The following RSPH10B2 variants were observed in gnomAD, a reference collection of about 807,000 sequenced individuals.
RSPH10B2 encodes the protein radial spoke head 10 homolog B2.
RSPH10B2 carries 9 observed loss-of-function variants against 49.0 expected under a neutral mutation model. That is an observed-to-expected ratio of 0.18 (90% confidence interval 0.11 to 0.32). The LOEUF is 0.32. Ranked by LOEUF, RSPH10B2 falls within the 10% of genes least tolerant of loss-of-function variation. The pLI, the probability that RSPH10B2 is intolerant of heterozygous loss-of-function variation, is 1.00. For synonymous variants in RSPH10B2, 35 were observed against 210.2 expected (o/e 0.17, Z 7.21); for missense variants, 95 against 589.9 (o/e 0.16, Z 8.69).
intron 17 of RSPH10B2, among the ~76,000 whole-genome samples, chr7:6,793,504 G>A (rs199777978): frequency 1.8e-5 from 2 of 110,930 alleles, no homozygotes; most frequent in African/African-American, 7.5e-5. Flanking sequence ...CTCCTCCAGT[G>A]GATCATTCCC....
intron 16 of RSPH10B2, among the ~76,000 whole-genome samples, 181 bp from the exon 19 acceptor site, chr7:6,791,723 A>G (rs1215031697): frequency 7.4e-6 from 1 of 134,342 alleles, no homozygotes. Context: ...CAGCCTGGGC[A>G]ACAGAGCAAG....
At chr7:6,786,178 CTT>C (rs1266902018) in intron 14 of RSPH10B2, 122 bp downstream of exon 16, 7,949 of 137,500 alleles carry the variant, frequency 0.058, no homozygotes, top group South Asian at 0.084. Context: ...TTCACTGATG[CTT>C]TTTTTTTTTT....
intron 13 of RSPH10B2, among the ~76,000 whole-genome samples, chr7:6,782,210 G>T (rs1394846194): frequency 6.9e-6 from 1 of 145,268 alleles, no homozygotes; most frequent in African/African-American, 2.6e-5. Flanking sequence ...CACTGTGCCT[G>T]ACTGGCCTAC....
intron 11 of RSPH10B2, 124 bp downstream of exon 13, chr7:6,779,848 C>T: frequency 2.7e-6 from 1 of 372,910 alleles, no homozygotes; most frequent in Non-Finnish European, 4.7e-6. Flanking sequence ...TGCTCTGTCG[C>T]CCAGGCTGGA....
Position 6,763,909 on chromosome 7 carries a change from C to T in RSPH10B2, c.400-19C>T, listed in dbSNP as rs1359295482. 1.2e-6 allele frequency: 2 copies of T among 1,603,724 alleles called. No homozygotes were observed. Among genetic ancestry groups the T allele is most frequent in the African/African-American group, 2.7e-5 (2 of 74,464 alleles). On this transcript the variant is annotated intron_variant, in intron 3 of 18. Transcript: ENST00000297186. ...CCCCCAACGCTTCCTTCTGTCACCC[C>T]ATGGCCGTTCTGCTTCAGGGCGACT...
chr7:6,791,435 T>C (rs1249846347), intron 16 of RSPH10B2, among the ~76,000 whole-genome samples: 3 of 149,696 alleles, frequency 2.0e-5, no homozygotes, highest in Non-Finnish European at 3.0e-5. Flanking sequence ...AATATAAATA[T>C]TTTATTCAGG....
chr7:6,785,152 TGTGTG>T, intron 13 of RSPH10B2, among the ~76,000 whole-genome samples: 1 of 65,488 alleles, frequency 1.5e-5, no homozygotes, highest in African/African-American at 7.2e-5. Flanking sequence ...CGTGTGTGTG[TGTGTG>T]TGTGTGTGTG....
chr7:6,766,164 C>CT lies in RSPH10B2; in HGVS notation c.659+376dup, dbSNP rs1444571703. On this transcript the variant is annotated intron_variant, in intron 5 of 18. Transcript: ENST00000297186. ...ATTTTAAAAACCCGGCTCTTACCCA[C>CT]TTTGTCCCCTTATTAAATAGTCAGA... is the stretch of plus-strand genomic sequence containing the variant. 5.0e-5 allele frequency among the ~76,000 whole-genome samples: 3 copies of CT among 59,448 alleles called. 1 individual carries two copies. The highest frequency in any genetic ancestry group is 2.3e-4 in the African/African-American group (3 of 13,304). The allele number at this position is 59,448 out of a possible 152,430, so 39.0% of individuals were successfully genotyped here. A position where few individuals can be genotyped will look rare whatever the true frequency, so the allele number is the denominator to read the frequency against.
chr7:6,770,526 G>C, intron 7 of RSPH10B2, among the ~76,000 whole-genome samples: 1 of 133,540 alleles, frequency 7.5e-6, no homozygotes, highest in African/African-American at 2.8e-5. Context: ...AAGGAGAATT[G>C]CTTGAACCCA....
intron 6 of RSPH10B2, among the ~76,000 whole-genome samples, chr7:6,768,097 A>AGGG (rs1781518417): frequency 1.3e-5 from 1 of 76,826 alleles, no homozygotes. Flanking sequence ...GAGGCTGAGG[A>AGGG]TCACTTGAGT....
At position 6,793,425 on chromosome 7, in the gene RSPH10B2, G is replaced by A. The variant is rs1176607283; in HGVS notation, c.2233+1428G>A. ...GGTGGACTTTTAAAGGCTCCGTCCC[G>A]GGGCCTTGTCTTCTCAAAGGCCTCC... On this transcript the variant is annotated intron_variant, in intron 17 of 18. Coordinates refer to ENST00000297186, the Ensembl canonical transcript of RSPH10B2. 4.2e-4 allele frequency among the ~76,000 whole-genome samples: 49 copies of A among 116,378 alleles called. 9 individuals carry two copies. The highest frequency in any genetic ancestry group is 7.0e-4 in the Non-Finnish European group (41 of 58,270). The allele number at this position is 116,378 out of a possible 152,430, so 76.3% of individuals were successfully genotyped here. A position where few individuals can be genotyped will look rare whatever the true frequency, so the allele number is the denominator to read the frequency against.
At chr7:6,796,164 AC>A (rs1782548032) in intron 17 of RSPH10B2, among the ~76,000 whole-genome samples, 1 of 127,706 alleles carries the variant, frequency 7.8e-6, no homozygotes, top group Non-Finnish European at 1.7e-5. Context: ...TACTAAAAAT[AC>A]AAAAATTAGC....
Position 6,760,001 on chromosome 7 carries a change from CA to C in RSPH10B2, c.331-219del, listed in dbSNP as rs750412125. ...CCAACGTGGTGAAATCCCGTCTCCA[CA>C]AAAAATACAAAAATTAGCTGGGCAT... On this transcript the variant is annotated intron_variant, in intron 2 of 18. Transcript: ENST00000297186. 1.4e-4 allele frequency among the ~76,000 whole-genome samples: 15 copies of C among 105,604 alleles called. 3 individuals carry two copies. The highest frequency in any genetic ancestry group is 2.3e-4 in the Non-Finnish European group (12 of 52,032). 69.3% of individuals were successfully genotyped at this position (105,604 alleles called of 152,430 possible).
At chr7:6,783,754 T>C (rs1782031119) in intron 13 of RSPH10B2, among the ~76,000 whole-genome samples, 1 of 151,362 alleles carries the variant, frequency 6.6e-6, no homozygotes, top group Non-Finnish European at 1.5e-5. Context: ...ATTACAGGCG[T>C]GAGCCACTGC....
intron 13 of RSPH10B2, among the ~76,000 whole-genome samples, chr7:6,783,838 A>ATTATT (rs1562413638): frequency 1.5e-4 from 20 of 131,448 alleles, no homozygotes; most frequent in Non-Finnish European, 6.6e-5. Flanking sequence ...TAATAATAAT[A>ATTATT]ATTATTATTA....
intron 5 of RSPH10B2, 90 bp downstream of exon 7, chr7:6,765,881 G>A (rs1165559200): frequency 2.8e-6 from 3 of 1,057,354 alleles, no homozygotes; most frequent in Non-Finnish European, 3.8e-6. Flanking sequence ...AAAGTAAGAT[G>A]CAAAAGTTGC....
At chr7:6,795,500 C>G (rs1361385733) in intron 17 of RSPH10B2, among the ~76,000 whole-genome samples, 3 of 99,912 alleles carry the variant, frequency 3.0e-5, no homozygotes, top group African/African-American at 1.1e-4. Flanking sequence ...AGGCCGGGTG[C>G]AGAGGCTCAT....
upstream of RSPH10B2, among the ~76,000 whole-genome samples, chr7:6,756,292 A>AAATC (rs1407649843): frequency 7.6e-6 from 1 of 131,170 alleles, no homozygotes; most frequent in East Asian, 2.3e-4. Context: ...ATAAATAAAT[A>AAATC]AACAAACCCA....
chr7:6,780,371 A>G (rs892109572), intron 11 of RSPH10B2, among the ~76,000 whole-genome samples: 1 of 122,906 alleles, frequency 8.1e-6, no homozygotes, highest in Non-Finnish European at 1.7e-5. Flanking sequence ...TCTTTTTTTA[A>G]AAAAACTTTT....
Sources: allele counts gnomAD v4.1 joint callset (sites outside exome capture counted in the v4.1 genomes callset), GRCh38; gene constraint gnomAD v4.1.1; transcripts MANE v1.5; gene names NCBI Gene and HGNC (gene_info 2026-07-23, HGNC 2026-07-21).